LIN7A: variants seen among roughly 807,000 people sequenced by gnomAD.
LIN7A encodes protein lin-7 homolog A.
LIN7A carries 25 observed loss-of-function variants against 29.8 expected under a neutral mutation model. That is an observed-to-expected ratio of 0.84 (90% CI 0.61 to 1.17). LIN7A has a LOEUF of 1.17. Among genes scored for constraint, LIN7A ranks in the 50% most tolerant of loss-of-function variants. LIN7A has a pLI of 0.00. For synonymous variants in LIN7A, 118 were observed against 107.5 expected (o/e 1.10, Z -0.60); for missense variants, 239 against 287.0 (o/e 0.83, Z 1.21).
chr12:80,805,351 C>A (rs1870925115), intron 5 of LIN7A, among the ~76,000 whole-genome samples: 1 of 151,616 alleles, frequency 6.6e-6, no homozygotes, highest in Non-Finnish European at 1.5e-5. Flanking sequence ...TGTGGTAATG[C>A]TAGAAGAAGG....
At chr12:80,843,740 G>T (rs1173735606) in intron 4 of LIN7A, among the ~76,000 whole-genome samples, 1 of 152,004 alleles carries the variant, frequency 6.6e-6, no homozygotes, top group Non-Finnish European at 1.5e-5. Flanking sequence ...CAGATAAGGG[G>T]ATTAAAGTTT....
intron 1 of LIN7A, among the ~76,000 whole-genome samples, chr12:80,932,106 C>T (rs552521136): frequency 3.3e-5 from 5 of 152,256 alleles, no homozygotes; most frequent in African/African-American, 9.6e-5. Context: ...GATTAGAAAA[C>T]CTATAGGCTT....
chr12:80,937,143 C>A (rs542944424), intron 1 of LIN7A: 1 of 153,548 alleles, frequency 6.5e-6, no homozygotes. Context: ...GAGTGGCCGC[C>A]GGGACTCCAG....
At chr12:80,911,714 A>G (rs1417666273) in intron 1 of LIN7A, among the ~76,000 whole-genome samples, 4 of 152,202 alleles carry the variant, frequency 2.6e-5, no homozygotes, top group African/African-American at 9.6e-5. Context: ...ATTTATAGTA[A>G]ATAGCTTGGT....
chr12:80,826,197 C>A (rs1872071028), intron 4 of LIN7A, among the ~76,000 whole-genome samples: 1 of 152,068 alleles, frequency 6.6e-6, no homozygotes, highest in Non-Finnish European at 1.5e-5. Context: ...AAATGTACAC[C>A]CACAGAATAT....
chr12:80,891,581 G>T (rs1208456573), intron 1 of LIN7A, among the ~76,000 whole-genome samples: 1 of 152,160 alleles, frequency 6.6e-6, no homozygotes, highest in Admixed American at 6.5e-5. Context: ...TGGTGAAGGA[G>T]ATAGCCCCTT....
At chr12:80,920,631 C>T (rs955842842) in intron 1 of LIN7A, among the ~76,000 whole-genome samples, 3 of 152,286 alleles carry the variant, frequency 2.0e-5, no homozygotes, top group African/African-American at 7.2e-5. Context: ...AGAGCTCCAT[C>T]ACATTTGGAA....
At position 80,898,500 on chromosome 12, in the gene LIN7A, GT is replaced by G. The variant is rs914463544; in HGVS notation, c.83-9132del. ...GTGGTTCCATGTGAAATTTAAAATA[GT>G]TTTTTTTTTCTAATTCTGTGAAGAA... is the stretch of plus-strand genomic sequence containing the variant. On this transcript the variant is annotated intron_variant, in intron 1 of 5. Coordinates refer to ENST00000552864, the MANE Select transcript of LIN7A (RefSeq NM_004664.4). Among the ~76,000 whole-genome samples the G allele has an allele frequency of 1.4e-3, 206 of 149,254 alleles. 1 individual carries two copies. Among genetic ancestry groups the G allele is most frequent in the Middle Eastern group, 3.4e-3 (1 of 292 alleles).
intron 1 of LIN7A, among the ~76,000 whole-genome samples, chr12:80,924,452 C>T (rs972900980): frequency 8.5e-5 from 13 of 152,148 alleles, no homozygotes; most frequent in South Asian, 2.1e-4. Context: ...TGGACCTGGT[C>T]GTGTTCTAAG....
At chr12:80,834,206 G>A (rs1036126978) in intron 4 of LIN7A, among the ~76,000 whole-genome samples, 3 of 152,128 alleles carry the variant, frequency 2.0e-5, no homozygotes, top group African/African-American at 7.2e-5. Context: ...TGTTGAAATG[G>A]TAGTGCTGGG....
intron 2 of LIN7A, among the ~76,000 whole-genome samples, chr12:80,869,545 C>T (rs776024538): frequency 5.3e-5 from 8 of 152,084 alleles, no homozygotes; most frequent in Admixed American, 3.3e-4. Flanking sequence ...CCATTGGCAC[C>T]CTCTGACTTC....
intron 1 of LIN7A, among the ~76,000 whole-genome samples, chr12:80,893,624 G>A (rs1237320829): frequency 6.6e-6 from 1 of 152,118 alleles, no homozygotes; most frequent in East Asian, 1.9e-4. Context: ...ACAGTACTAG[G>A]TCTTTTGCTT....
intron 1 of LIN7A, among the ~76,000 whole-genome samples, chr12:80,899,696 T>C (rs1876094045): frequency 6.6e-6 from 1 of 151,856 alleles, no homozygotes; most frequent in East Asian, 1.9e-4. Context: ...TTCAGTTTCT[T>C]CCTGGCTCAA....
chr12:80,838,902 G>A lies in LIN7A; in HGVS notation c.483+6828C>T, dbSNP rs76823138. On this transcript the variant is annotated intron_variant, in intron 4 of 5. Coordinates refer to ENST00000552864, the MANE Select transcript of LIN7A (RefSeq NM_004664.4). ...GTGGACCAGGGCTGTTCAGTTAGCC[G>A]GGAATGCAAAGTGCCTGGTGCAAAC... 8.7e-3 allele frequency among the ~76,000 whole-genome samples: 1,322 copies of A among 152,240 alleles called. 12 individuals carry two copies. Among genetic ancestry groups the A allele is most frequent in the Non-Finnish European group, 0.015 (997 of 68,024 alleles).
intron 1 of LIN7A, among the ~76,000 whole-genome samples, chr12:80,909,865 A>AT (rs2120793036): frequency 6.6e-6 from 1 of 151,716 alleles, no homozygotes; most frequent in South Asian, 2.1e-4. Context: ...TACCAAAAAA[A>AT]AAAACCCTAA....
chr12:80,869,774 A>G (rs1430130078), intron 2 of LIN7A, among the ~76,000 whole-genome samples: 4 of 151,332 alleles, frequency 2.6e-5, no homozygotes, highest in Non-Finnish European at 5.9e-5. Context: ...TTTTTTGCAA[A>G]TAGTCTTCTT....
chr12:80,885,122 G>C (rs578032199), intron 2 of LIN7A, among the ~76,000 whole-genome samples: 2 of 151,912 alleles, frequency 1.3e-5, no homozygotes, highest in Admixed American at 6.6e-5. Flanking sequence ...TTTCTCTGAG[G>C]TGCAAAGAAC....
intron 2 of LIN7A, among the ~76,000 whole-genome samples, chr12:80,867,917 A>T (rs1874224886): frequency 6.6e-6 from 1 of 152,200 alleles, no homozygotes; most frequent in African/African-American, 2.4e-5. Flanking sequence ...TGCTACATTT[A>T]TTATATCCTG....
rs1466312962 is a variant in LIN7A at position 80,808,666 on chromosome 12, C to T, written c.*2799G>A. 3.3e-5 allele frequency among the ~76,000 whole-genome samples: 5 copies of T among 151,282 alleles called. 1 individual carries two copies. The highest frequency in any genetic ancestry group is 9.7e-5 in the African/African-American group (4 of 41,256). ...GACTACAGGCGCCCGCCACCACGCC[C>T]GGCTAATTTTTTGTATTTTTAGTAG... On this transcript the variant is annotated intron_variant, in intron 5 of 5. Transcript: ENST00000552864.
Sources: gnomAD v4.1 joint callset for allele counts (sites outside exome capture counted in the v4.1 genomes callset) on GRCh38, gnomAD v4.1.1 for gene constraint, MANE v1.5 for transcripts, NCBI Gene and HGNC (gene_info 2026-07-23, HGNC 2026-07-21) for gene names.